KCND2: variants seen among roughly 807,000 people sequenced by gnomAD.
KCND2 encodes potassium voltage-gated channel subfamily D member 2, also known as A-type voltage-gated potassium channel KCND2.
In KCND2, 16 loss-of-function variants were observed where a neutral mutation model predicts 54.4. The ratio of observed to expected loss-of-function variants is 0.29; its 90% CI spans 0.20 to 0.45. The LOEUF (loss-of-function observed/expected upper bound fraction) is 0.45, where lower values mean the gene tolerates loss of function less well. KCND2 is among the 20% of genes least tolerant of loss of function. The probability of loss-of-function intolerance (pLI) is 1.00; values close to 1 mark genes in which losing one functional copy is unlikely to be tolerated. For synonymous variants in KCND2, 317 were observed against 310.7 expected (o/e 1.02, Z -0.21); for missense variants, 486 against 824.2 (o/e 0.59, Z 5.02).
At chr7:120,721,279 T>A (rs1792662463) in intron 1 of KCND2, among the ~76,000 whole-genome samples, 1 of 152,188 alleles carries the variant, frequency 6.6e-6, no homozygotes, top group Admixed American at 6.6e-5. Context: ...ATGAATTTTT[T>A]AAGATCCTCT....
intron 1 of KCND2, among the ~76,000 whole-genome samples, chr7:120,318,835 C>T (rs892532988): frequency 6.6e-6 from 1 of 151,948 alleles, no homozygotes; most frequent in East Asian, 1.9e-4. Flanking sequence ...ATCTTTGGAA[C>T]AATGCATTAA....
At chr7:120,313,718 C>T (rs1205082818) in intron 1 of KCND2, among the ~76,000 whole-genome samples, 2 of 148,722 alleles carry the variant, frequency 1.3e-5, no homozygotes, top group African/African-American at 4.9e-5. Context: ...CTTTAGAAAA[C>T]TCTGCTCAAG....
intron 1 of KCND2, among the ~76,000 whole-genome samples, chr7:120,647,400 A>G (rs902134726): frequency 1.3e-5 from 2 of 152,206 alleles, no homozygotes; most frequent in South Asian, 2.1e-4. Flanking sequence ...GGATAGACCC[A>G]TTAACCTCAT....
intron 1 of KCND2, among the ~76,000 whole-genome samples, chr7:120,297,107 T>C (rs939822629): frequency 2.6e-5 from 4 of 152,100 alleles, no homozygotes; most frequent in African/African-American, 7.2e-5. Context: ...TGGGCACTTA[T>C]ATGTATCCAT....
intron 1 of KCND2, among the ~76,000 whole-genome samples, chr7:120,505,363 A>G (rs1562857931): frequency 6.6e-6 from 1 of 151,784 alleles, no homozygotes; most frequent in Non-Finnish European, 1.5e-5. Context: ...GAGAAACAGA[A>G]TTTGTATTTC....
At position 120,622,689 on chromosome 7, in the gene KCND2, ACTCTCTCT is replaced by A. The variant is rs751909741; in HGVS notation, c.1116-110194_1116-110187del. On this transcript the variant is annotated intron_variant, in intron 1 of 5. Coordinates refer to ENST00000331113, the MANE Select transcript of KCND2 (RefSeq NM_012281.3). The stretch of plus-strand genomic sequence containing the variant: ...TACACACACACACACACACACACAC[ACTCTCTCT>A]CTCTCTCTCTCTCTCTCTCACACAC... Among the ~76,000 whole-genome samples the A allele has an allele frequency of 3.3e-3, 422 of 125,984 alleles. 9 individuals are homozygous for A. The East Asian group carries it at 0.12, about 37-fold the overall frequency. The allele number at this position is 125,984 out of a possible 152,430, so 82.7% of individuals were successfully genotyped here.
At chr7:120,315,493 A>G (rs892852246) in intron 1 of KCND2, among the ~76,000 whole-genome samples, 7 of 152,194 alleles carry the variant, frequency 4.6e-5, no homozygotes, top group African/African-American at 1.7e-4. Flanking sequence ...GCTAAGGATC[A>G]GAATGACACC....
In KCND2 at chr7:120,748,395, A is replaced by G. The variant is rs1018914869; in HGVS notation, c.*537A>G. 3 of 153,634 alleles carry G rather than the reference A, an allele frequency of 2.0e-5. No homozygotes were observed. The highest frequency in any genetic ancestry group is 4.4e-5 in the Non-Finnish European group (3 of 68,846). 9.5% of individuals were successfully genotyped at this position (153,634 alleles called of 1,614,324 possible). On this transcript the variant is annotated 3_prime_UTR_variant, in exon 6 of 6. Coordinates refer to ENST00000331113, the MANE Select transcript of KCND2 (RefSeq NM_012281.3). Reference sequence around the variant, plus strand: ...TCCTTATGTTGTCTTCAGAATAGGCATGATAAACTATAATTGTAGAAAGGG... The same window carrying G: ...TCCTTATGTTGTCTTCAGAATAGGCGTGATAAACTATAATTGTAGAAAGGG...
chr7:120,582,978 G>A (rs980956313), intron 1 of KCND2, among the ~76,000 whole-genome samples: 1 of 150,970 alleles, frequency 6.6e-6, no homozygotes, highest in African/African-American at 2.5e-5. Context: ...GTGTGTGTGT[G>A]TATGTTTTAT....
chr7:120,694,296 T>C (rs773309796), intron 1 of KCND2, among the ~76,000 whole-genome samples: 9 of 152,188 alleles, frequency 5.9e-5, no homozygotes, highest in Non-Finnish European at 1.0e-4. Flanking sequence ...ATACAACCCT[T>C]TTAATGTTGG....
chr7:120,621,986 G>GT (rs1051460502), intron 1 of KCND2, among the ~76,000 whole-genome samples: 85 of 149,700 alleles, frequency 5.7e-4, no homozygotes, highest in African/African-American at 9.6e-4. Flanking sequence ...TGTTGTTTTG[G>GT]TTTTTTTTTA....
rs542037107 is a variant in KCND2, at chr7:120,371,505, C to T, written c.1115+95758C>T. 5.9e-5 allele frequency among the ~76,000 whole-genome samples: 9 copies of T among 152,044 alleles called. No homozygotes were observed. The South Asian group carries it at 1.7e-3, about 28-fold the overall frequency. On this transcript the variant is annotated intron_variant, in intron 1 of 5. Transcript: ENST00000331113. ...GATTGATAAGTTTCCTGATTGAGGC[C>T]ATGGAGTTGAGTGGGAGGGAGGCTT... is the stretch of plus-strand genomic sequence containing the variant.
chr7:120,672,039 C>T (rs1425222107), intron 1 of KCND2, among the ~76,000 whole-genome samples: 1 of 152,066 alleles, frequency 6.6e-6, no homozygotes, highest in East Asian at 1.9e-4. Context: ...TCCTTCAAAG[C>T]CTGTCCTCAC....
At chr7:120,469,744 C>A (rs1028264985) in intron 1 of KCND2, among the ~76,000 whole-genome samples, 1 of 152,010 alleles carries the variant, frequency 6.6e-6, no homozygotes, top group African/African-American at 2.4e-5. Context: ...CCTGTTAGAC[C>A]AATTGTGAGT....
chr7:120,332,323 A>G (rs747277290), intron 1 of KCND2, among the ~76,000 whole-genome samples: 12 of 152,070 alleles, frequency 7.9e-5, no homozygotes, highest in Non-Finnish European at 1.5e-4. Flanking sequence ...ATGAATTCCT[A>G]TTGCAGTATT....
intron 1 of KCND2, among the ~76,000 whole-genome samples, chr7:120,699,673 A>G (rs1792376440): frequency 6.6e-6 from 1 of 152,210 alleles, no homozygotes; most frequent in African/African-American, 2.4e-5. Context: ...AAAGAGAGAT[A>G]GAGAAGGAAA....
At chr7:120,710,787 G>T (rs1792527850) in intron 1 of KCND2, among the ~76,000 whole-genome samples, 1 of 152,018 alleles carries the variant, frequency 6.6e-6, no homozygotes, top group South Asian at 2.1e-4. Flanking sequence ...GCTAATCAAT[G>T]GCAGCATTAT....
chr7:120,280,234 A>G (rs1216584789), intron 1 of KCND2, among the ~76,000 whole-genome samples: 1 of 152,064 alleles, frequency 6.6e-6, no homozygotes, highest in African/African-American at 2.4e-5. Context: ...GAAATGTGGT[A>G]TGTATTCCTC....
intron 1 of KCND2, among the ~76,000 whole-genome samples, chr7:120,426,588 GTTTTTTTTT>G (rs1168044122): frequency 1.0e-5 from 1 of 96,640 alleles, no homozygotes. Context: ...GTTTTTCTTT[GTTTTTTTTT>G]TTTTTTTTTT....
Sources: gnomAD v4.1 joint callset for allele counts (sites outside exome capture counted in the v4.1 genomes callset) on GRCh38, gnomAD v4.1.1 for gene constraint, MANE v1.5 for transcripts, NCBI Gene and HGNC (gene_info 2026-07-23, HGNC 2026-07-21) for gene names.